VPS33B: variants seen among roughly 807,000 people sequenced by gnomAD.
VPS33B encodes the protein VPS33B late endosome and lysosome associated, also known as vacuolar protein sorting-associated protein 33B.
A neutral mutation model predicts 95.3 loss-of-function variants in VPS33B; 80 were observed. The observed-to-expected ratio is 0.84, with a 90% confidence interval of 0.70 to 1.01. The LOEUF is 1.01. VPS33B is among the 50% of genes least tolerant of loss of function. VPS33B has a pLI of 0.00. For missense variants in VPS33B, 715 were observed against 773.4 expected (o/e 0.92, Z 0.90); for synonymous variants, 280 against 280.4 (o/e 1.00, Z 0.01).
chr15:91,001,987 G>A, intron 18 of VPS33B, 63 bp downstream of exon 18: 1 of 1,611,186 alleles, frequency 6.2e-7, no homozygotes, highest in Non-Finnish European at 8.5e-7. Context: ...CTCCCAGCAT[G>A]CTGCGTGTTG....
intron 1 of VPS33B, among the ~76,000 whole-genome samples, chr15:91,019,338 G>A (rs966846797): frequency 4.0e-5 from 6 of 151,436 alleles, no homozygotes; most frequent in African/African-American, 9.7e-5. Context: ...GGGTGTTCTC[G>A]AACCCCTGAC....
At chr15:91,021,088 C>G (rs928416036) in intron 1 of VPS33B, among the ~76,000 whole-genome samples, 4 of 152,064 alleles carry the variant, frequency 2.6e-5, no homozygotes, top group African/African-American at 9.7e-5. Flanking sequence ...AAACCTGTTC[C>G]TTTTTCTAAT....
In VPS33B at chr15:91,018,092, A is replaced by C. The variant is rs1224283815; in HGVS notation, c.97-207T>G. ...ATTTTGCCTTCTCGTTTTCTGTACC[A>C]GTGGGAAGAAGACATCCCACCTTCT... On this transcript the variant is annotated intron_variant, in intron 1 of 22. Transcript: ENST00000333371. The surrounding 1 kb of genome is among the most constrained non-coding windows in gnomAD (Gnocchi z 4.7). The C allele has an allele frequency of 1.7e-6, 1 of 576,566 alleles. No homozygotes were observed. The highest frequency in any genetic ancestry group is 3.2e-5 in the East Asian group (1 of 31,668). The allele number at this position is 576,566 out of a possible 1,614,324, so 35.7% of individuals were successfully genotyped here. A position where few individuals can be genotyped will look rare whatever the true frequency, so the allele number is the denominator to read the frequency against.
chr15:91,005,553 A>G lies in VPS33B; in HGVS notation c.1031-99T>C. On this transcript the variant is annotated intron_variant, in intron 13 of 22. Transcript: ENST00000333371. The surrounding 1 kb of genome is among the most constrained non-coding windows in gnomAD (Gnocchi z 6.4). The stretch of plus-strand genomic sequence containing the variant: ...AAAACCTCCTAAGGCAAAATCCGAA[A>G]GCACTTCTTCCCACTTTACACCAAG... 6.3e-7 allele frequency: 1 copy of G among 1,592,836 alleles called. No individual in the cohort carries two copies. Among genetic ancestry groups the G allele is most frequent in the Admixed American group, 1.7e-5 (1 of 59,904 alleles).
chr15:91,019,138 TTA>T (rs1491578990), intron 1 of VPS33B, among the ~76,000 whole-genome samples: 2 of 112,094 alleles, frequency 1.8e-5, no homozygotes, highest in Non-Finnish European at 1.6e-5. Flanking sequence ...TTTTTTTTTT[TTA>T]AAGATAGAGT....
intron 3 of VPS33B, among the ~76,000 whole-genome samples, chr15:91,016,654 G>C (rs2040936948): frequency 6.6e-6 from 1 of 152,260 alleles, no homozygotes; most frequent in Non-Finnish European, 1.5e-5. Flanking sequence ...AAAGTGCTGG[G>C]ATTACAGGCA....
At position 91,013,213 on chromosome 15, in the gene VPS33B, C is replaced by T. The variant is rs2040828311; in HGVS notation, c.357+591G>A. Among the ~76,000 whole-genome samples, 1 of 152,192 alleles carries T rather than the reference C, an allele frequency of 6.6e-6. No homozygotes were observed. Among genetic ancestry groups the T allele is most frequent in the South Asian group, 2.1e-4 (1 of 4,834 alleles). ...AAAAAAATCTACGTAGAGGCCTCTT[C>T]GCACAATTCCACAATACTTTATTTG... On this transcript the variant is annotated intron_variant, in intron 5 of 22. Transcript: ENST00000333371. The surrounding 1 kb of genome is among the most constrained non-coding windows in gnomAD (Gnocchi z 4.5).
chr15:90,998,992 T>C lies in VPS33B; in HGVS notation c.1837A>G (p.Ser613Gly), dbSNP rs1279163428. The C allele has an allele frequency of 1.2e-6, 2 of 1,614,004 alleles. No individual in the cohort carries two copies. Among genetic ancestry groups the C allele is most frequent in the Non-Finnish European group, 1.7e-6 (2 of 1,180,030 alleles). The stretch of plus-strand genomic sequence containing the variant: ...GAAAAACATCAGGCTTTCACCTCAC[T>C]CATGGCCTCCATAAGGCGAGCGCTG... ...TNSARLMEAM[S>G]EVKA Residue 613 changes from serine (S) to glycine (G), a missense_variant, in exon 23 of 23, where the codon AGT becomes GGT. Coordinates refer to ENST00000333371, the MANE Select transcript of VPS33B (RefSeq NM_018668.5). This position sits in a 1 kb window ranked among gnomAD's most constrained non-coding sequence, Gnocchi z 4.8.
In VPS33B at chr15:91,000,079, T is replaced by A; in HGVS notation, c.1582-104A>T. 1 of 1,456,242 alleles carries A rather than the reference T, an allele frequency of 6.9e-7. No individual in the cohort carries two copies. Among genetic ancestry groups the A allele is most frequent in the Non-Finnish European group, 9.5e-7 (1 of 1,050,474 alleles). The allele number at this position is 1,456,242 out of a possible 1,614,324, so 90.2% of individuals were successfully genotyped here. On this transcript the variant is annotated intron_variant, in intron 20 of 22. Coordinates refer to ENST00000333371, the MANE Select transcript of VPS33B (RefSeq NM_018668.5). This position sits in a 1 kb window ranked among gnomAD's most constrained non-coding sequence, Gnocchi z 4.9. ...TCACATTTCTTGCTCATTACTCAAG[T>A]AGCAAAAAGTTGAGACAGGGCCAGG... is the stretch of plus-strand genomic sequence containing the variant.
downstream of VPS33B, chr15:90,998,538 T>A (rs2040339571): frequency 3.6e-6 from 1 of 274,022 alleles, no homozygotes; most frequent in Non-Finnish European, 7.2e-6. The surrounding 1 kb of genome is among the most constrained non-coding windows in gnomAD (Gnocchi z 4.8). Context: ...GTAGAGTGAT[T>A]TTTACAGGGA....
chr15:91,020,590 A>G (rs1207088148), intron 1 of VPS33B, among the ~76,000 whole-genome samples: 2 of 152,214 alleles, frequency 1.3e-5, no homozygotes, highest in African/African-American at 4.8e-5. Flanking sequence ...TAAGTATTAA[A>G]GAGAAAGAAG....
At chr15:91,020,389 AAGTT>A (rs1193205955) in intron 1 of VPS33B, among the ~76,000 whole-genome samples, 5 of 152,192 alleles carry the variant, frequency 3.3e-5, no homozygotes, top group South Asian at 4.1e-4. Flanking sequence ...ATTAAGTCAG[AAGTT>A]AGTTAGGAGA....
At chr15:91,008,646 C>T (rs79253100) in intron 6 of VPS33B, among the ~76,000 whole-genome samples, 24,722 of 152,176 alleles carry the variant, frequency 0.16, 2,461 homozygotes, top group East Asian at 0.5. Flanking sequence ...CAGCAGTGAG[C>T]AAAATGGACA....
chr15:91,006,945 T>G lies in VPS33B; in HGVS notation c.700+5A>C, dbSNP rs536653901. 23 of 1,614,128 alleles carry G rather than the reference T, an allele frequency of 1.4e-5. No homozygotes were observed. The East Asian group carries it at 5.1e-4, about 36-fold the overall frequency. The stretch of plus-strand genomic sequence containing the variant: ...AAGATGACAGGAACGCTGGGCATAA[T>G]TTACCTCTGTCCAAGAGAAAGATAT... On this transcript the variant is annotated splice_donor_5th_base_variant and intron_variant, in intron 9 of 22. Transcript: ENST00000333371. This position sits in a 1 kb window ranked among gnomAD's most constrained non-coding sequence, Gnocchi z 5.4.
rs781107857 is a variant in VPS33B, at chr15:91,014,442, G to C, written c.240-9C>G. On this transcript the variant is annotated splice_polypyrimidine_tract_variant and intron_variant, in intron 3 of 22. Coordinates refer to ENST00000333371, the MANE Select transcript of VPS33B (RefSeq NM_018668.5). ...TGACCAAGAAGCACAATCTATGAGAGAGAAAGAAAAAAAAACAGTGAAGAA... is the reference window on the plus strand; with the variant it reads ...TGACCAAGAAGCACAATCTATGAGACAGAAAGAAAAAAAAACAGTGAAGAA... 26 of 1,612,664 alleles carry C rather than the reference G, an allele frequency of 1.6e-5. No individual in the cohort carries two copies. The South Asian group carries it at 2.2e-4, about 14-fold the overall frequency.
chr15:91,006,244 C>G lies in VPS33B; in HGVS notation c.852+128G>C. ...GAGATGCTCTGAACTGGTGGGGAAA[C>G]CCTCTCTCCCATAGACTCAGCCTCC... On this transcript the variant is annotated intron_variant, in intron 11 of 22. Coordinates refer to ENST00000333371, the MANE Select transcript of VPS33B (RefSeq NM_018668.5). The surrounding 1 kb of genome is among the most constrained non-coding windows in gnomAD (Gnocchi z 5.4). 3 of 1,443,384 alleles carry G rather than the reference C, an allele frequency of 2.1e-6. No homozygotes were observed. In the African/African-American group the frequency reaches 4.2e-5, roughly 20 times the overall value. The allele number at this position is 1,443,384 out of a possible 1,614,324, so 89.4% of individuals were successfully genotyped here.
rs60112465 is a variant in VPS33B at position 91,011,298 on chromosome 15, T to C, written c.358-1452A>G. Among the ~76,000 whole-genome samples the C allele has an allele frequency of 0.01, 1,545 of 152,358 alleles. 26 individuals are homozygous for C. Among genetic ancestry groups the C allele is most frequent in the African/African-American group, 0.034 (1,414 of 41,578 alleles). On this transcript the variant is annotated intron_variant, in intron 5 of 22. Coordinates refer to ENST00000333371, the MANE Select transcript of VPS33B (RefSeq NM_018668.5). The surrounding 1 kb of genome is among the most constrained non-coding windows in gnomAD (Gnocchi z 5.5). ...CTTAAAATGGTTTAGGCATTGTTCTTAGTGTTTTACAGGAATCACTTGTCT... is the reference window on the plus strand; with the variant it reads ...CTTAAAATGGTTTAGGCATTGTTCTCAGTGTTTTACAGGAATCACTTGTCT...
Position 91,006,662 on chromosome 15 carries a change from G to A in VPS33B, c.768C>T (p.Arg256=). ...GACCATAGCACTTACCACACTTGAT[G>A]CGGAAGGTGTCATCTACTAGGCCCT... is the stretch of plus-strand genomic sequence containing the variant. The part of the protein sequence containing the change: ...VYEGLVDDTF[R]IKCGSVDFGP... The change falls in exon 10 of 23, where the codon CGC becomes CGT. Residue 256 remains arginine (R), a synonymous_variant. Transcript: ENST00000333371. The surrounding 1 kb of genome is among the most constrained non-coding windows in gnomAD (Gnocchi z 5.4). 2 of 1,614,228 alleles carry A rather than the reference G, an allele frequency of 1.2e-6. No individual in the cohort carries two copies. Among genetic ancestry groups the A allele is most frequent in the Non-Finnish European group, 1.7e-6 (2 of 1,180,044 alleles).
intron 2 of VPS33B, among the ~76,000 whole-genome samples, chr15:91,017,403 T>A (rs1300280758): frequency 0.042 from 3,403 of 81,030 alleles, 716 homozygotes; most frequent in East Asian, 0.29. Context: ...TATATATATA[T>A]ATATATATAT....
Sources: allele counts gnomAD v4.1 joint callset (sites outside exome capture counted in the v4.1 genomes callset), GRCh38; gene constraint gnomAD v4.1.1; non-coding constraint Gnocchi (gnomAD v3.1); transcripts MANE v1.5; gene names NCBI Gene and HGNC (gene_info 2026-07-23, HGNC 2026-07-21).